The following CRIM1 variants were observed in gnomAD, a reference collection of about 807,000 sequenced individuals.
The protein encoded by CRIM1 is cysteine rich transmembrane BMP regulator 1.
CRIM1 carries 32 observed loss-of-function variants against 116.4 expected under a neutral mutation model. That is an observed-to-expected ratio of 0.27 (90% CI 0.21 to 0.37). The LOEUF is 0.37. Among genes scored for constraint, CRIM1 ranks in the 10% least tolerant of loss-of-function variants. The pLI, the probability that CRIM1 is intolerant of heterozygous loss-of-function variation, is 1.00. For missense variants in CRIM1, 1,331 were observed against 1,354.8 expected (o/e 0.98, Z 0.28); for synonymous variants, 590 against 509.2 (o/e 1.16, Z -2.13).
intron 2 of CRIM1, among the ~76,000 whole-genome samples, chr2:36,428,007 G>A (rs1572706803): frequency 1.3e-5 from 2 of 152,272 alleles, no homozygotes; most frequent in African/African-American, 4.8e-5. Context: ...TTTTTGTGTT[G>A]GTTTGGTTTG....
chr2:36,523,040 C>T (rs1006812792), intron 13 of CRIM1, among the ~76,000 whole-genome samples: 8 of 151,504 alleles, frequency 5.3e-5, no homozygotes, highest in Non-Finnish European at 4.4e-5. Context: ...CTGCAACCTC[C>T]GCCTCCTGGG....
chr2:36,386,365 A>G (rs1572613939), intron 1 of CRIM1, among the ~76,000 whole-genome samples: 1 of 152,324 alleles, frequency 6.6e-6, no homozygotes, highest in East Asian at 1.9e-4. Context: ...GACATGTCAT[A>G]AATATTGATT....
chr2:36,415,880 G>A (rs559691603), intron 2 of CRIM1, among the ~76,000 whole-genome samples: 9 of 152,270 alleles, frequency 5.9e-5, no homozygotes, highest in African/African-American at 2.2e-4. Context: ...TGGCATCTAG[G>A]GGATAGTTAA....
chr2:36,484,727 G>C (rs1287442217), intron 7 of CRIM1, among the ~76,000 whole-genome samples: 1 of 152,184 alleles, frequency 6.6e-6, no homozygotes, highest in Non-Finnish European at 1.5e-5. Context: ...GCACGGAGGA[G>C]CTGATGATTT....
chr2:36,532,892 TG>T (rs1666213096), intron 13 of CRIM1, among the ~76,000 whole-genome samples: 1 of 152,194 alleles, frequency 6.6e-6, no homozygotes, highest in African/African-American at 2.4e-5. Flanking sequence ...ATTCAGTAAG[TG>T]GAAGTTACGA....
chr2:36,404,403 G>A (rs1394236181), intron 2 of CRIM1, among the ~76,000 whole-genome samples: 1 of 152,220 alleles, frequency 6.6e-6, no homozygotes, highest in East Asian at 1.9e-4. Flanking sequence ...TAATTGGATA[G>A]AGAGGTCAAG....
chr2:36,399,061 C>G (rs573607971), intron 2 of CRIM1, among the ~76,000 whole-genome samples: 41 of 152,146 alleles, frequency 2.7e-4, no homozygotes, highest in Non-Finnish European at 5.1e-4. Flanking sequence ...AAGTGGGAAT[C>G]TGCATGACTT....
At chr2:36,458,533 G>A (rs565028956) in intron 4 of CRIM1, among the ~76,000 whole-genome samples, 79 of 152,176 alleles carry the variant, frequency 5.2e-4, no homozygotes, top group African/African-American at 1.7e-3. Context: ...TTTCTTTTCC[G>A]GCCTTGCTTA....
At chr2:36,487,149 C>A (rs1238995376) in intron 7 of CRIM1, among the ~76,000 whole-genome samples, 7 of 152,052 alleles carry the variant, frequency 4.6e-5, no homozygotes, top group Non-Finnish European at 1.0e-4. Context: ...CTATATGAGA[C>A]CATCTTATTT....
chr2:36,389,473 T>G (rs928388211), intron 1 of CRIM1, among the ~76,000 whole-genome samples: 3 of 152,202 alleles, frequency 2.0e-5, no homozygotes, highest in African/African-American at 2.4e-5. Flanking sequence ...ATTTGATATA[T>G]ATTCCCAGGA....
intron 1 of CRIM1, among the ~76,000 whole-genome samples, chr2:36,370,944 C>G (rs1225080911): frequency 6.6e-6 from 1 of 152,190 alleles, no homozygotes; most frequent in East Asian, 1.9e-4. Flanking sequence ...AATTAAAGAC[C>G]TGACCATCTT....
At chr2:36,460,235 C>A (rs1339532774) in intron 4 of CRIM1, among the ~76,000 whole-genome samples, 1 of 152,160 alleles carries the variant, frequency 6.6e-6, no homozygotes, top group East Asian at 1.9e-4. Flanking sequence ...CTTTATTTTT[C>A]TGGTTACTTG....
rs116984138 is a variant in CRIM1 at position 36,420,383 on chromosome 2, G to A, written c.506-20875G>A. Among the ~76,000 whole-genome samples the A allele has an allele frequency of 7.5e-3, 1,147 of 152,238 alleles. 41 individuals carry two copies. In the East Asian group the frequency reaches 0.086, roughly 11 times the overall value. On this transcript the variant is annotated intron_variant, in intron 2 of 16. Coordinates refer to ENST00000280527, the MANE Select transcript of CRIM1 (RefSeq NM_016441.3). Reference sequence around the variant, plus strand: ...TAACTTGCCCAAGATTTCACAGCAGGGAGAGGTAGAGCCGAGGTTGGAACC... The same window carrying A: ...TAACTTGCCCAAGATTTCACAGCAGAGAGAGGTAGAGCCGAGGTTGGAACC...
chr2:36,410,089 GACAGCAGTA>G (rs2148412541), intron 2 of CRIM1, among the ~76,000 whole-genome samples: 1 of 152,328 alleles, frequency 6.6e-6, no homozygotes, highest in African/African-American at 2.4e-5. Flanking sequence ...AGGAGGAGGT[GACAGCAGTA>G]AGTGGTGCCT....
At chr2:36,539,123 A>C (rs760539441) in intron 14 of CRIM1, among the ~76,000 whole-genome samples, 8 of 152,186 alleles carry the variant, frequency 5.3e-5, no homozygotes, top group East Asian at 1.9e-4. Flanking sequence ...CTCTGGAGAA[A>C]GGCATAGCAA....
At chr2:36,473,707 A>C (rs571303917) in intron 5 of CRIM1, among the ~76,000 whole-genome samples, 1 of 152,142 alleles carries the variant, frequency 6.6e-6, no homozygotes, top group South Asian at 2.1e-4. Flanking sequence ...TCAGAACTTC[A>C]TTTCTTTTTA....
At chr2:36,360,231 G>A (rs1183225116) in intron 1 of CRIM1, among the ~76,000 whole-genome samples, 1 of 152,186 alleles carries the variant, frequency 6.6e-6, no homozygotes, top group African/African-American at 2.4e-5. Context: ...CAGTTAAAGG[G>A]CAGATGGTGA....
intron 1 of CRIM1, among the ~76,000 whole-genome samples, chr2:36,357,105 C>G (rs1195758669): frequency 6.6e-6 from 1 of 152,220 alleles, no homozygotes; most frequent in African/African-American, 2.4e-5. Context: ...GTGTCTCCAG[C>G]TCGCACTCCC....
chr2:36,543,428 T>C (rs1667092754), intron 14 of CRIM1, among the ~76,000 whole-genome samples: 1 of 152,258 alleles, frequency 6.6e-6, no homozygotes. Flanking sequence ...ATACTTATAC[T>C]GTATATTTTA....
Sources: allele counts gnomAD v4.1 joint callset (sites outside exome capture counted in the v4.1 genomes callset), GRCh38; gene constraint gnomAD v4.1.1; transcripts MANE v1.5; gene names NCBI Gene and HGNC (gene_info 2026-07-23, HGNC 2026-07-21).